Variants in CNTN4 observed in about 807,000 individuals in gnomAD.
CNTN4 encodes the protein contactin 4.
A neutral mutation model predicts 122.5 loss-of-function variants in CNTN4; 77 were observed. The ratio of observed to expected loss-of-function variants is 0.63; its 90% CI spans 0.52 to 0.76. The LOEUF is 0.76. Ranked by LOEUF, CNTN4 falls within the 30% of genes least tolerant of loss-of-function variation. The probability of loss-of-function intolerance (pLI) is 0.00; values close to 1 mark genes in which losing one functional copy is unlikely to be tolerated. For missense variants in CNTN4, 1,256 were observed against 1,259.1 expected (o/e 1.00, Z 0.04); for synonymous variants, 512 against 447.0 (o/e 1.15, Z -1.83).
At chr3:2,357,464 C>T (rs996204852) in intron 3 of CNTN4, among the ~76,000 whole-genome samples, 1 of 152,170 alleles carries the variant, frequency 6.6e-6, no homozygotes, top group African/African-American at 2.4e-5. Context: ...GCATACGTAG[C>T]CTTAATTCAC....
At chr3:2,399,682 A>G (rs975285016) in intron 3 of CNTN4, among the ~76,000 whole-genome samples, 14 of 152,180 alleles carry the variant, frequency 9.2e-5, no homozygotes, top group African/African-American at 2.9e-4. Context: ...TAAATCTACT[A>G]TGTTCGAGTA....
At chr3:2,662,538 T>C (rs1337699696) in intron 4 of CNTN4, among the ~76,000 whole-genome samples, 1 of 152,188 alleles carries the variant, frequency 6.6e-6, no homozygotes, top group African/African-American at 2.4e-5. Flanking sequence ...GGTTCATTCA[T>C]ATAACTACAA....
At chr3:2,523,805 A>C (rs1180446140) in intron 3 of CNTN4, among the ~76,000 whole-genome samples, 1 of 152,082 alleles carries the variant, frequency 6.6e-6, no homozygotes, top group Non-Finnish European at 1.5e-5. Context: ...AGAAATCAAA[A>C]TGAATGACTC....
At chr3:2,539,422 G>A (rs1358653203) in intron 3 of CNTN4, among the ~76,000 whole-genome samples, 9 of 151,994 alleles carry the variant, frequency 5.9e-5, no homozygotes, top group Non-Finnish European at 1.2e-4. Context: ...CTTTTGAGAC[G>A]TGTTTTGGAA....
chr3:2,102,414 C>T (rs1438774959), intron 2 of CNTN4, among the ~76,000 whole-genome samples: 1 of 152,188 alleles, frequency 6.6e-6, no homozygotes, highest in East Asian at 1.9e-4. Context: ...AACATGAGAG[C>T]ATGAGTCAAC....
chr3:2,162,693 C>T (rs2036017773), intron 2 of CNTN4, among the ~76,000 whole-genome samples: 2 of 152,114 alleles, frequency 1.3e-5, no homozygotes, highest in South Asian at 4.1e-4. Context: ...AAGCCCATAA[C>T]CACGAATGTT....
rs144318132 is a variant in CNTN4, at chr3:2,426,233, A to G, written c.-89+87000A>G. ...CATAAATAGCTCTTATTATTTTGAG[A>G]TACGTCCCATCAATACCTAATTTGT... On this transcript the variant is annotated intron_variant, in intron 3 of 24. Coordinates refer to ENST00000418658, the MANE Select transcript of CNTN4 (RefSeq NM_175607.3). 5.0e-3 allele frequency among the ~76,000 whole-genome samples: 757 copies of G among 152,260 alleles called. 9 individuals carry two copies. The highest frequency in any genetic ancestry group is 0.017 in the African/African-American group (723 of 41,544).
intron 12 of CNTN4, among the ~76,000 whole-genome samples, chr3:2,920,179 G>A (rs543588644): frequency 2.6e-4 from 39 of 151,472 alleles, no homozygotes; most frequent in South Asian, 1.3e-3. Context: ...GTCACATACT[G>A]TATGATTACA....
intron 6 of CNTN4, among the ~76,000 whole-genome samples, chr3:2,774,184 C>G (rs1247446318): frequency 6.6e-6 from 1 of 152,006 alleles, no homozygotes; most frequent in Non-Finnish European, 1.5e-5. Context: ...TAGCTTGAAC[C>G]TGGGAGGTGG....
rs1045779364 is a variant in CNTN4 at position 3,057,637 on chromosome 3, A to G, written c.*1417A>G. On this transcript the variant is annotated 3_prime_UTR_variant, in exon 25 of 25. Transcript: ENST00000418658. ...AGTTTGTCATTTTTGCTTACAAATA[A>G]TATAACTTTTCAACCTTCTAGTTAT... The G allele has an allele frequency of 5.2e-5, 8 of 152,736 alleles. No homozygotes were observed. The East Asian group carries it at 1.4e-3, about 26-fold the overall frequency. 9.5% of individuals were successfully genotyped at this position (152,736 alleles called of 1,614,324 possible). A position where few individuals can be genotyped will look rare whatever the true frequency, so the allele number is the denominator to read the frequency against.
At chr3:2,960,900 G>T (rs17648648) in intron 13 of CNTN4, among the ~76,000 whole-genome samples, 54,248 of 151,748 alleles carry the variant, frequency 0.36, 10,271 homozygotes, top group East Asian at 0.66. Flanking sequence ...TACCCCTTGC[G>T]GCTTTTCAAA....
chr3:2,467,047 T>C (rs1575695096), intron 3 of CNTN4, among the ~76,000 whole-genome samples: 2 of 147,840 alleles, frequency 1.4e-5, no homozygotes, highest in South Asian at 4.2e-4. Flanking sequence ...ACATATGGAG[T>C]AGATGCCAGT....
chr3:2,414,281 G>A (rs1004666205), intron 3 of CNTN4, among the ~76,000 whole-genome samples: 1 of 152,072 alleles, frequency 6.6e-6, no homozygotes, highest in Non-Finnish European at 1.5e-5. Context: ...GTAAATTTTA[G>A]GTATTAATTT....
chr3:2,901,708 G>A (rs892155026), intron 11 of CNTN4, among the ~76,000 whole-genome samples: 9 of 152,162 alleles, frequency 5.9e-5, no homozygotes, highest in Non-Finnish European at 1.3e-4. Flanking sequence ...AGGAAATAAG[G>A]CTTTGTTCAG....
rs1033474035 is a variant in CNTN4, at chr3:2,175,763, A to C, written c.-145+75124A>C. The stretch of plus-strand genomic sequence containing the variant: ...GCTCTGGCTAACTGGTGTGTTGAAA[A>C]TGTCACAACACCCTAACCTGATCTG... On this transcript the variant is annotated intron_variant, in intron 2 of 24. Transcript: ENST00000418658. 9.2e-5 allele frequency among the ~76,000 whole-genome samples: 14 copies of C among 152,180 alleles called. 1 individual carries two copies. Among genetic ancestry groups the C allele is most frequent in the Admixed American group, 9.2e-4 (14 of 15,270 alleles).
chr3:2,705,966 AAT>A (rs1163695103), intron 4 of CNTN4, among the ~76,000 whole-genome samples: 1 of 132,826 alleles, frequency 7.5e-6, no homozygotes, highest in East Asian at 2.1e-4. Context: ...AAATATATAA[AAT>A]ATATATTATA....
intron 2 of CNTN4, among the ~76,000 whole-genome samples, chr3:2,137,413 T>C (rs866297459): frequency 1.3e-5 from 2 of 152,316 alleles, no homozygotes; most frequent in South Asian, 2.1e-4. Context: ...CCACTTATTC[T>C]GTTTCTTAAC....
chr3:2,243,274 T>G (rs2040012525), intron 2 of CNTN4, among the ~76,000 whole-genome samples: 1 of 152,144 alleles, frequency 6.6e-6, no homozygotes, highest in African/African-American at 2.4e-5. Context: ...CTGTATGTAT[T>G]TTTCTTATGT....
intron 4 of CNTN4, among the ~76,000 whole-genome samples, chr3:2,700,650 T>G (rs2086302238): frequency 7.6e-5 from 1 of 13,198 alleles, no homozygotes; most frequent in South Asian, 8.9e-3. Flanking sequence ...TAAATTCCCC[T>G]GGCAAAAAAA....
Sources: allele counts gnomAD v4.1 joint callset (sites outside exome capture counted in the v4.1 genomes callset), GRCh38; gene constraint gnomAD v4.1.1; transcripts MANE v1.5; gene names NCBI Gene and HGNC (gene_info 2026-07-23, HGNC 2026-07-21).